Variants in SPATA31C2 observed in about 807,000 individuals in gnomAD.
The protein encoded by SPATA31C2 is SPATA31 subfamily C member 2, also known as spermatogenesis-associated protein 31C2.
In SPATA31C2, 5 loss-of-function variants were observed where a neutral mutation model predicts 11.4. The ratio of observed to expected loss-of-function variants is 0.44; its 90% CI spans 0.23 to 0.92. The LOEUF (loss-of-function observed/expected upper bound fraction) is 0.92, where lower values mean the gene tolerates loss of function less well. Ranked by LOEUF, SPATA31C2 falls within the 40% of genes least tolerant of loss-of-function variation. The probability of loss-of-function intolerance (pLI) is 0.24; values close to 1 mark genes in which losing one functional copy is unlikely to be tolerated. For missense variants in SPATA31C2, 1,353 were observed against 1,368.6 expected (o/e 0.99, Z 0.18); for synonymous variants, 515 against 538.7 (o/e 0.96, Z 0.61).
At position 88,132,209 on chromosome 9, in the gene SPATA31C2, A is replaced by C; in HGVS notation, c.828T>G (p.Leu276=). The C allele has an allele frequency of 6.2e-7, 1 of 1,610,654 alleles. No individual in the cohort carries two copies. The highest frequency in any genetic ancestry group is 1.3e-5 in the African/African-American group (1 of 74,952). ...CAGAAACTTGACTGTTTGAGCCGCC[A>C]AGGCCTGAGATGCCTGGGACAGAAG... ...LAASVPGISG[L]GGSNSQVSAL... is the part of the protein sequence containing the mutation. Residue 276 remains leucine (L), a synonymous_variant, in exon 4 of 4, where the codon CTT becomes CTG. Coordinates refer to ENST00000324915, the MANE Select transcript of SPATA31C2 (RefSeq NM_001350978.3).
Position 88,132,515 on chromosome 9 carries a change from G to T in SPATA31C2, c.522C>A (p.Thr174=). ...AGGTGGTCATTGGGCCTGGTGGTGG[G>T]GTGGAGGCCAGATCCTGAGGATGCT... ...RTKHPQDLAS[T]PPPGPMTTSV... The change falls in exon 4 of 4, where the codon ACC becomes ACA. Residue 174 remains threonine, a synonymous_variant. Coordinates refer to ENST00000324915, the MANE Select transcript of SPATA31C2 (RefSeq NM_001350978.3). 1 of 1,610,888 alleles carries T rather than the reference G, an allele frequency of 6.2e-7. No homozygotes were observed. The highest frequency in any genetic ancestry group is 8.5e-7 in the Non-Finnish European group (1 of 1,177,916).
Position 88,130,793 on chromosome 9 carries a change from G to A in SPATA31C2, c.2244C>T (p.Ile748=). 2 of 1,612,996 alleles carry A rather than the reference G, an allele frequency of 1.2e-6. No individual in the cohort carries two copies. The highest frequency in any genetic ancestry group is 8.5e-7 in the Non-Finnish European group (1 of 1,179,874). The change falls in exon 4 of 4, where the codon ATC becomes ATT. Residue 748 remains isoleucine, a synonymous_variant. Transcript: ENST00000324915. ...CKQFQRAPRG[I]PSSNDHGSLK... ...AGGACCCATGATCATTCGAAGATGG[G>A]ATCCCTCGCGGGGCCCTCTGGAACT... is the stretch of plus-strand genomic sequence containing the variant.
At chr9:88,133,707 C>G (rs772700577) in intron 1 of SPATA31C2, 38 bp from the exon 2 acceptor site, 7 of 1,535,144 alleles carry the variant, frequency 4.6e-6, no homozygotes, top group Non-Finnish European at 6.2e-6. Context: ...AGGACCGGCT[C>G]TCCCTCTCTG....
At position 88,133,902 on chromosome 9, in the gene SPATA31C2, A is replaced by C. The variant is rs541383421; in HGVS notation, c.190-233T>G. Among the ~76,000 whole-genome samples, 824 of 152,244 alleles carry C rather than the reference A, an allele frequency of 5.4e-3. 9 individuals are homozygous for C. Among genetic ancestry groups the C allele is most frequent in the African/African-American group, 0.019 (779 of 41,538 alleles). Reference sequence around the variant, plus strand: ...CACGGTGCGGTGGCTCACGCCTATAATCCCAGCACTTTGGGAGGCTGAGGC... The same window carrying C: ...CACGGTGCGGTGGCTCACGCCTATACTCCCAGCACTTTGGGAGGCTGAGGC... On this transcript the variant is annotated intron_variant, in intron 1 of 3. Coordinates refer to ENST00000324915, the MANE Select transcript of SPATA31C2 (RefSeq NM_001350978.3).
In SPATA31C2 at chr9:88,129,582, G is replaced by A. The variant is rs1274977032; in HGVS notation, c.*50C>T. ...AGCTTTCTTGGGGAGCAAGAGTTGG[G>A]GATGTCGCAGGCCCCATTGCTCATT... On this transcript the variant is annotated 3_prime_UTR_variant, in exon 4 of 4. Transcript: ENST00000324915. The A allele has an allele frequency of 6.2e-7, 1 of 1,602,006 alleles. No individual in the cohort carries two copies. Among genetic ancestry groups the A allele is most frequent in the East Asian group, 2.3e-5 (1 of 44,408 alleles).
At chr9:88,135,682 TTTC>T (rs1825670717) in intron 1 of SPATA31C2, among the ~76,000 whole-genome samples, 1 of 130,264 alleles carries the variant, frequency 7.7e-6, no homozygotes, top group African/African-American at 3.3e-5. Context: ...GCCCTGCTAA[TTTC>T]TTTTTGTATT....
In SPATA31C2 at chr9:88,132,256, A is replaced by T; in HGVS notation, c.781T>A (p.Ser261Thr). ...LPLDTVPQSL[S>T]PREDLAASVP... ...GAAGCCGCCAAATCCTCACGTGGAGACAAGCTTTGAGGGACGGTGTCCAGT... is the reference window on the plus strand; with the variant it reads ...GAAGCCGCCAAATCCTCACGTGGAGTCAAGCTTTGAGGGACGGTGTCCAGT... The change falls in exon 4 of 4, where the codon TCT (serine) becomes ACT (threonine). Residue 261 changes from serine (S) to threonine (T), a missense_variant. Physicochemically the swap from Ser to Thr is moderately conservative, Grantham distance 58 (BLOSUM62 1). Coordinates refer to ENST00000324915, the MANE Select transcript of SPATA31C2 (RefSeq NM_001350978.3). 6.2e-7 allele frequency: 1 copy of T among 1,610,718 alleles called. No individual in the cohort carries two copies.
rs747322667 is a variant in SPATA31C2 at position 88,131,527 on chromosome 9, T to A, written c.1510A>T (p.Thr504Ser). The A allele has an allele frequency of 1.9e-6, 3 of 1,611,584 alleles. No homozygotes were observed. Among genetic ancestry groups the A allele is most frequent in the Non-Finnish European group, 2.5e-6 (3 of 1,179,690 alleles). ...TCCCTCTCTAGCTGGAACTTCACCG[T>A]CTGTGCCTCCTTGCTGCTTTCACCT... ...STGESSKEAQ[T>S]VKFQLERDPC... The change falls in exon 4 of 4, where the codon ACG (threonine) becomes TCG (serine). Residue 504 changes from threonine to serine, a missense_variant. Transcript: ENST00000324915.
Position 88,131,801 on chromosome 9 carries a change from T to C in SPATA31C2, c.1236A>G (p.Leu412=). 4.3e-6 allele frequency: 7 copies of C among 1,611,562 alleles called. No homozygotes were observed. The highest frequency in any genetic ancestry group is 5.9e-6 in the Non-Finnish European group (7 of 1,179,622). ...CCTGAGATTTTTGGACCCTAGAGGG[T>C]AAAGCCAACCCACCTTCTAGTTGTT... ...LKKQLEGGLA[L]PSRVQKSQDV... is the part of the protein sequence containing the mutation. Residue 412 remains leucine (L), a synonymous_variant, in exon 4 of 4, where the codon TTA becomes TTG. Coordinates refer to ENST00000324915, the MANE Select transcript of SPATA31C2 (RefSeq NM_001350978.3).
chr9:88,133,985 C>G (rs1023831360), intron 1 of SPATA31C2, among the ~76,000 whole-genome samples: 14 of 151,916 alleles, frequency 9.2e-5, no homozygotes, highest in Non-Finnish European at 1.5e-4. Flanking sequence ...GAAACCCCAT[C>G]TCTACTAAAA....
At position 88,131,664 on chromosome 9, in the gene SPATA31C2, C is replaced by G; in HGVS notation, c.1373G>C (p.Gly458Ala). The G allele has an allele frequency of 6.2e-7, 1 of 1,611,952 alleles. No individual in the cohort carries two copies. Among genetic ancestry groups the G allele is most frequent in the Non-Finnish European group, 8.5e-7 (1 of 1,179,860 alleles). The change falls in exon 4 of 4, where the codon GGG becomes GCG. Residue 458 changes from glycine (G) to alanine (A), a missense_variant. By Grantham distance (60) the Gly-to-Ala change is moderately conservative. This residue lies in a region of SPATA31C2 where 1,075 missense variants were observed against 992.8 expected (regional missense o/e 1.08). Transcript: ENST00000324915. ...ELWRQLEQHM[G>A]QRGRIQESLD... ...AGACTCTTGGATCCTTCCACGTTGCCCCATGTGTTGCTCCAGTTGTCTCCA... is the reference window on the plus strand; with the variant it reads ...AGACTCTTGGATCCTTCCACGTTGCGCCATGTGTTGCTCCAGTTGTCTCCA...
In SPATA31C2 at chr9:88,131,931, A is replaced by G. The variant is rs1653768262; in HGVS notation, c.1106T>C (p.Leu369Pro). Residue 369 changes from leucine (L) to proline (P), a missense_variant, in exon 4 of 4, where the codon CTA becomes CCA. Physicochemically the swap from Leu to Pro is moderately conservative, Grantham distance 98 (BLOSUM62 -3). Transcript: ENST00000324915. ...SSFPVLSPAF[L>P]SPMKNTGVAC... ...TACTCCAGTGTTCTTCATCGGGGAT[A>G]GAAAAGCAGGAGATAGGACTGGGAA... is the stretch of plus-strand genomic sequence containing the variant. 8 of 1,610,654 alleles carry G rather than the reference A, an allele frequency of 5.0e-6. No homozygotes were observed. Among genetic ancestry groups the G allele is most frequent in the South Asian group, 2.2e-5 (2 of 90,990 alleles).
intron 1 of SPATA31C2, 100 bp from the exon 2 acceptor site, chr9:88,133,769 GTC>G: frequency 7.1e-7 from 1 of 1,417,274 alleles, no homozygotes. Context: ...GGCTCTGTCT[GTC>G]TTGCTCAGGG....
rs767427128 is a variant in SPATA31C2 at position 88,130,781 on chromosome 9, A to G, written c.2256T>C (p.Asn752=). 4 of 1,613,108 alleles carry G rather than the reference A, an allele frequency of 2.5e-6. No individual in the cohort carries two copies. The South Asian group carries it at 3.3e-5, about 13-fold the overall frequency. The change falls in exon 4 of 4, where the codon AAT becomes AAC. Residue 752 remains asparagine (N), a synonymous_variant. Transcript: ENST00000324915. ...TAGGAGCCTTCAAGGACCCATGATC[A>G]TTCGAAGATGGGATCCCTCGCGGGG... ...QRAPRGIPSS[N]DHGSLKAPTA...
chr9:88,135,740 A>T (rs1197903694), intron 1 of SPATA31C2, among the ~76,000 whole-genome samples: 169 of 129,714 alleles, frequency 1.3e-3, no homozygotes, highest in Non-Finnish European at 1.6e-3. Flanking sequence ...GATGGCCTCG[A>T]TCTCCGGACC....
chr9:88,130,586 T>G lies in SPATA31C2; in HGVS notation c.2451A>C (p.Gln817His), dbSNP rs1205192008. Residue 817 changes from glutamine (Q) to histidine (H), a missense_variant, in exon 4 of 4, where the codon CAA becomes CAC. Physicochemically the swap from Gln to His is conservative, Grantham distance 24. This residue lies in a region of SPATA31C2 where 1,075 missense variants were observed against 992.8 expected (regional missense o/e 1.08). Coordinates refer to ENST00000324915, the MANE Select transcript of SPATA31C2 (RefSeq NM_001350978.3). ...AACCACGCACATCCTCACTTGTGGC[T>G]TGGAGGTTTGCTCTCATACAGGTTC... ...PLGTCMRANL[Q>H]ATSEDVRGFK... is the part of the protein sequence containing the mutation. 6.2e-7 allele frequency: 1 copy of G among 1,613,430 alleles called. No individual in the cohort carries two copies. The highest frequency in any genetic ancestry group is 8.5e-7 in the Non-Finnish European group (1 of 1,179,648).
chr9:88,135,590 C>T (rs1043981410), intron 1 of SPATA31C2, among the ~76,000 whole-genome samples: 2 of 136,700 alleles, frequency 1.5e-5, no homozygotes, highest in African/African-American at 3.0e-5. Flanking sequence ...TGGCTCACTG[C>T]AAGCTCCGCC....
At position 88,131,027 on chromosome 9, in the gene SPATA31C2, C is replaced by G. The variant is rs748130375; in HGVS notation, c.2010G>C (p.Gln670His). The change falls in exon 4 of 4, where the codon CAG (glutamine) becomes CAC (histidine). Residue 670 changes from glutamine (Q) to histidine (H), a missense_variant. Gln to His is a conservative substitution (Grantham distance 24). Coordinates refer to ENST00000324915, the MANE Select transcript of SPATA31C2 (RefSeq NM_001350978.3). ...GLPLRVLKPI[Q>H]CFQLEKVSSL... The stretch of plus-strand genomic sequence containing the variant: ...ATGAAACCTTTTCCAGTTGAAAGCA[C>G]TGAATGGGCTTGAGGACCCTGAGGG... 3.1e-6 allele frequency: 5 copies of G among 1,612,066 alleles called. No individual in the cohort carries two copies. Among genetic ancestry groups the G allele is most frequent in the Admixed American group, 3.3e-5 (2 of 60,016 alleles).
In SPATA31C2 at chr9:88,130,343, T is replaced by A; in HGVS notation, c.2694A>T (p.Gln898His). 1.2e-6 allele frequency: 2 copies of A among 1,610,278 alleles called. No individual in the cohort carries two copies. Among genetic ancestry groups the A allele is most frequent in the Non-Finnish European group, 1.7e-6 (2 of 1,179,236 alleles). ...VPHASENLAS[Q>H]VPQGHLQSMP... ...TGCTCTGGAGATGGCCCTGGGGCAC[T>A]TGAGAAGCCAAATTCTCTGAAGCAT... Residue 898 changes from glutamine (Q) to histidine (H), a missense_variant, in exon 4 of 4, where the codon CAA (glutamine) becomes CAT (histidine). Coordinates refer to ENST00000324915, the MANE Select transcript of SPATA31C2 (RefSeq NM_001350978.3).
Sources: gnomAD v4.1 joint callset for allele counts (sites outside exome capture counted in the v4.1 genomes callset) on GRCh38, gnomAD v4.1.1 for gene constraint, gnomAD v4.1.1 regional missense constraint, MANE v1.5 for transcripts, NCBI Gene and HGNC (gene_info 2026-07-23, HGNC 2026-07-21) for gene names.